The following ICAM1 variants were observed in gnomAD, a reference collection of about 807,000 sequenced individuals.
The protein encoded by ICAM1 is intercellular adhesion molecule 1, also known as ICAM-1.
Under a neutral mutation model 42.3 loss-of-function variants are expected in ICAM1, and 28 were observed. That is an observed-to-expected ratio of 0.66 (90% confidence interval 0.49 to 0.91). The LOEUF (loss-of-function observed/expected upper bound fraction) is 0.91, where lower values mean the gene tolerates loss of function less well. ICAM1 is among the 40% of genes least tolerant of loss of function. ICAM1 has a pLI of 0.00. For missense variants in ICAM1, 637 were observed against 688.6 expected (o/e 0.93, Z 0.84); for synonymous variants, 304 against 305.9 (o/e 0.99, Z 0.07).
chr19:10,272,279 T>C (rs2039987051), intron 1 of ICAM1, among the ~76,000 whole-genome samples: 1 of 152,178 alleles, frequency 6.6e-6, no homozygotes, highest in African/African-American at 2.4e-5. Flanking sequence ...AGCGAGATTC[T>C]GTCTCAAAAA....
At chr19:10,285,082 C>A (rs762601965) in intron 6 of ICAM1, 33 bp from the exon 7 acceptor site, 1 of 1,613,752 alleles carries the variant, frequency 6.2e-7, no homozygotes, top group South Asian at 1.1e-5. Context: ...GGACCTAATG[C>A]AATCCTCACC....
rs1458220293 is a variant in ICAM1 at position 10,285,446 on chromosome 19, G to A, written c.*159G>A. On this transcript the variant is annotated 3_prime_UTR_variant, in exon 7 of 7. Transcript: ENST00000264832. ...CCTCAGTCAGATACAACAGCATTTG[G>A]GGCCATGGTACCTGCACACCTAAAA... The A allele has an allele frequency of 3.0e-6, 2 of 655,988 alleles. No homozygotes were observed. The highest frequency in any genetic ancestry group is 3.7e-5 in the African/African-American group (2 of 54,706). The allele number at this position is 655,988 out of a possible 1,614,324, so 40.6% of individuals were successfully genotyped here. A position where few individuals can be genotyped will look rare whatever the true frequency, so the allele number is the denominator to read the frequency against.
rs752771869 is a variant in ICAM1, at chr19:10,283,782, C to T, written c.633C>T (p.Thr211=). The part of the protein sequence containing the change: ...ENTSAPYQLQ[T]FVLPATPPQL... Reference sequence around the variant, plus strand: ...CCTCGGCCCCCTACCAGCTCCAGACCTTTGGTGAGGATTGAAGAAGCCAGC... The same window carrying T: ...CCTCGGCCCCCTACCAGCTCCAGACTTTTGGTGAGGATTGAAGAAGCCAGC... The change falls in exon 3 of 7, where the codon ACC becomes ACT. Residue 211 remains threonine, a synonymous_variant. Coordinates refer to ENST00000264832, the MANE Select transcript of ICAM1 (RefSeq NM_000201.3). The T allele has an allele frequency of 1.3e-6, 2 of 1,594,190 alleles. No homozygotes were observed. The highest frequency in any genetic ancestry group is 1.1e-5 in the South Asian group (1 of 89,926).
At chr19:10,275,266 C>A (rs2040008481) in intron 2 of ICAM1, among the ~76,000 whole-genome samples, 2 of 152,198 alleles carry the variant, frequency 1.3e-5, no homozygotes, top group Non-Finnish European at 1.5e-5. Flanking sequence ...CTTTGAGAGG[C>A]TGAGGCTGGC....
rs2040083916 is a variant in ICAM1, at chr19:10,284,146, C to T, written c.751C>T (p.His251Tyr). 1.2e-6 allele frequency: 2 copies of T among 1,614,126 alleles called. No homozygotes were observed. The change falls in exon 4 of 7, where the codon CAC (histidine) becomes TAC (tyrosine). Residue 251 changes from histidine (H) to tyrosine (Y), a missense_variant. Physicochemically the swap from His to Tyr is moderately conservative, Grantham distance 83. Transcript: ENST00000264832. The surrounding 1 kb of genome is among the most constrained non-coding windows in gnomAD (Gnocchi z 5.4). The part of the protein sequence containing the change: ...GLFPVSEAQV[H>Y]LALGDQRLNP... ...GTTCCCAGTCTCGGAGGCCCAGGTC[C>T]ACCTGGCACTGGGGGACCAGAGGTT...
intron 2 of ICAM1, among the ~76,000 whole-genome samples, chr19:10,277,668 A>G (rs190196381): frequency 6.6e-6 from 1 of 151,334 alleles, no homozygotes; most frequent in Non-Finnish European, 1.5e-5. Flanking sequence ...TTGTATTTTT[A>G]GTAGAGACGG....
intron 2 of ICAM1, among the ~76,000 whole-genome samples, chr19:10,278,868 T>C (rs934963864): frequency 9.2e-5 from 14 of 151,976 alleles, no homozygotes; most frequent in Non-Finnish European, 2.1e-4. Context: ...AGCATAGAAC[T>C]CCAGGTTTGA....
At chr19:10,271,744 C>A (rs546153300) in intron 1 of ICAM1, among the ~76,000 whole-genome samples, 1 of 152,112 alleles carries the variant, frequency 6.6e-6, no homozygotes, top group Non-Finnish European at 1.5e-5. Context: ...CCCCCACCCC[C>A]CTCAAGATGT....
chr19:10,273,681 G>T (rs2039997195), intron 1 of ICAM1, among the ~76,000 whole-genome samples: 1 of 151,128 alleles, frequency 6.6e-6, no homozygotes. Flanking sequence ...AAAAGTGATG[G>T]CTAAAGTCCT....
intron 2 of ICAM1, 52 bp downstream of exon 2, chr19:10,275,080 G>T: frequency 6.3e-7 from 1 of 1,578,364 alleles, no homozygotes; most frequent in South Asian, 1.1e-5. Context: ...TGGGAGAGAC[G>T]TGCAGGGGCA....
At chr19:10,278,879 G>C (rs1448657228) in intron 2 of ICAM1, among the ~76,000 whole-genome samples, 1 of 151,986 alleles carries the variant, frequency 6.6e-6, no homozygotes, top group Non-Finnish European at 1.5e-5. Context: ...CCAGGTTTGA[G>C]ACCTGGCTCT....
At chr19:10,274,649 A>T (rs2040004151) in intron 1 of ICAM1, 116 bp from the exon 2 acceptor site, 4 of 1,209,064 alleles carry the variant, frequency 3.3e-6, no homozygotes, top group Non-Finnish European at 4.6e-6. Context: ...TCCACATCGA[A>T]GGCAAAGTAT....
At chr19:10,276,341 C>T (rs1348562486) in intron 2 of ICAM1, among the ~76,000 whole-genome samples, 4 of 150,190 alleles carry the variant, frequency 2.7e-5, no homozygotes, top group African/African-American at 7.3e-5. Flanking sequence ...GTCAGGAGAT[C>T]GAGACCATCC....
rs1415795710 is a variant in ICAM1 at position 10,274,740 on chromosome 19, TCG to T, written c.68-23_68-22del. The T allele has an allele frequency of 1.9e-6, 3 of 1,605,950 alleles. No individual in the cohort carries two copies. The South Asian group carries it at 3.3e-5, about 18-fold the overall frequency. ...TGATGAACCTGATTTGTAATGCCTGTCGCCTCTTCCCTCGTTTCTTCTAGGAC... is the reference window on the plus strand; with the variant it reads ...TGATGAACCTGATTTGTAATGCCTGTCCTCTTCCCTCGTTTCTTCTAGGAC... On this transcript the variant is annotated intron_variant, in intron 1 of 6. Transcript: ENST00000264832.
At position 10,284,362 on chromosome 19, in the gene ICAM1, GACCTGAACCCGGGGCGGGGCT is replaced by G; in HGVS notation, c.926-40_926-20del. The stretch of plus-strand genomic sequence containing the variant: ...GCGGAGTGGGGCTTCTTGGGGGTGT[GACCTGAACCCGGGGCGGGGCT>G]CACTGTGTGCCTATTCCAGGCTTTC... On this transcript the variant is annotated intron_variant, in intron 4 of 6. Coordinates refer to ENST00000264832, the MANE Select transcript of ICAM1 (RefSeq NM_000201.3). The surrounding 1 kb of genome is among the most constrained non-coding windows in gnomAD (Gnocchi z 5.4). 1 of 1,611,892 alleles carries G rather than the reference GACCTGAACCCGGGGCGGGGCT, an allele frequency of 6.2e-7. No homozygotes were observed. Among genetic ancestry groups the G allele is most frequent in the Non-Finnish European group, 8.5e-7 (1 of 1,179,630 alleles).
intron 2 of ICAM1, chr19:10,283,007 A>G (rs2040072604): frequency 6.6e-6 from 1 of 151,996 alleles, no homozygotes; most frequent in Non-Finnish European, 1.5e-5. Flanking sequence ...AAGGAGACTC[A>G]GTCTAAAAAC....
rs138380001 is a variant in ICAM1, at chr19:10,285,004, C to T, written c.1402C>T (p.Arg468Cys). The T allele has an allele frequency of 1.8e-4, 298 of 1,613,494 alleles. No individual in the cohort carries two copies. The highest frequency in any genetic ancestry group is 2.4e-4 in the Non-Finnish European group (279 of 1,179,850). ...CAGGAGCACTCAAGGGGAGGTCACC[C>T]GCAAGGTGACCGTGAATGTGCTCTG... ...RARSTQGEVTRKVTVNVLSPR... is the reference protein window; with the variant it reads ...RARSTQGEVTCKVTVNVLSPR... Residue 468 changes from arginine to cysteine, a missense_variant, in exon 6 of 7, where the codon CGC becomes TGC. By Grantham distance (180) the Arg-to-Cys change is radical. Transcript: ENST00000264832.
At position 10,283,511 on chromosome 19, in the gene ICAM1, T is replaced by A; in HGVS notation, c.362T>A (p.Leu121His). ...CCAGAACGGGTGGAACTGGCACCCC[T>A]CCCCTCTTGGCAGCCAGTGGGCAAG... The part of the protein sequence containing the change: ...WTPERVELAP[L>H]PSWQPVGKNL... Residue 121 changes from leucine to histidine, a missense_variant, in exon 3 of 7, where the codon CTC (leucine) becomes CAC (histidine). Physicochemically the swap from Leu to His is moderately conservative, Grantham distance 99 (BLOSUM62 -3). Coordinates refer to ENST00000264832, the MANE Select transcript of ICAM1 (RefSeq NM_000201.3). 6.3e-7 allele frequency: 1 copy of A among 1,586,932 alleles called. No individual in the cohort carries two copies. Among genetic ancestry groups the A allele is most frequent in the Non-Finnish European group, 8.6e-7 (1 of 1,164,226 alleles).
chr19:10,276,401 C>T (rs1447265634), intron 2 of ICAM1, among the ~76,000 whole-genome samples: 16 of 151,460 alleles, frequency 1.1e-4, no homozygotes, highest in Middle Eastern at 3.4e-3. Context: ...AAAAATTAGC[C>T]GGGCATGGTG....
Sources: gnomAD v4.1 joint callset for allele counts (sites outside exome capture counted in the v4.1 genomes callset) on GRCh38, gnomAD v4.1.1 for gene constraint, Gnocchi (gnomAD v3.1) non-coding constraint, MANE v1.5 for transcripts, NCBI Gene and HGNC (gene_info 2026-07-23, HGNC 2026-07-21) for gene names.